The following RTN4RL1 variants were observed in gnomAD, a reference collection of about 807,000 sequenced individuals.
RTN4RL1 encodes the protein reticulon 4 receptor like 1.
A neutral mutation model predicts 25.6 loss-of-function variants in RTN4RL1; 7 were observed. That is an observed-to-expected ratio of 0.27 (90% CI 0.16 to 0.51). The LOEUF (loss-of-function observed/expected upper bound fraction) is 0.51. Among genes scored for constraint, RTN4RL1 ranks in the 20% least tolerant of loss-of-function variants. The pLI, the probability that RTN4RL1 is intolerant of heterozygous loss-of-function variation, is 0.97. For missense variants in RTN4RL1, 500 were observed against 615.6 expected (o/e 0.81, Z 1.99); for synonymous variants, 297 against 288.2 (o/e 1.03, Z -0.31).
intron 1 of RTN4RL1, among the ~76,000 whole-genome samples, chr17:1,982,687 T>A (rs1423636611): frequency 2.0e-5 from 3 of 152,140 alleles, no homozygotes; most frequent in Admixed American, 6.5e-5. Flanking sequence ...CACCGGGCCC[T>A]CGACGCCGTG....
At chr17:2,016,246 T>C (rs111675756) in intron 1 of RTN4RL1, among the ~76,000 whole-genome samples, 6,726 of 152,202 alleles carry the variant, frequency 0.044, 516 homozygotes, top group African/African-American at 0.15. Context: ...CCAGTTGTGG[T>C]GGCAGGTGCC....
In RTN4RL1 at chr17:1,998,627, T is replaced by G. The variant is rs926013275; in HGVS notation, c.13+26226A>C. Reference sequence around the variant, plus strand: ...GTGGGGGACGTGGGGCCGGCTCGCCTCCTCCTGGGCTCGCCGGGATGTGGC... The same window carrying G: ...GTGGGGGACGTGGGGCCGGCTCGCCGCCTCCTGGGCTCGCCGGGATGTGGC... On this transcript the variant is annotated intron_variant, in intron 1 of 1. Coordinates refer to ENST00000331238, the MANE Select transcript of RTN4RL1 (RefSeq NM_178568.4). This position sits in a 1 kb window ranked among gnomAD's most constrained non-coding sequence, Gnocchi z 4.9. 1.7e-4 allele frequency among the ~76,000 whole-genome samples: 25 copies of G among 151,120 alleles called. No individual in the cohort carries two copies. The East Asian group carries it at 3.6e-3, about 22-fold the overall frequency.
At chr17:1,953,785 G>A (rs1344927104) in intron 1 of RTN4RL1, among the ~76,000 whole-genome samples, 1 of 152,084 alleles carries the variant, frequency 6.6e-6, no homozygotes, top group African/African-American at 2.4e-5. Flanking sequence ...GGCTGGTCTC[G>A]AACTCCTGAC....
intron 1 of RTN4RL1, among the ~76,000 whole-genome samples, chr17:1,949,693 G>C (rs925308222): frequency 6.6e-6 from 1 of 152,194 alleles, no homozygotes; most frequent in Non-Finnish European, 1.5e-5. Context: ...GCAGCAAGAG[G>C]CTCGGCTCCT....
At chr17:1,948,979 C>T (rs150945362) in intron 1 of RTN4RL1, among the ~76,000 whole-genome samples, 6,233 of 146,132 alleles carry the variant, frequency 0.043, 252 homozygotes, top group Admixed American at 0.098. Context: ...TTTTTTGAGA[C>T]GGAGTCTCGC....
chr17:1,966,195 A>T (rs149540504), intron 1 of RTN4RL1, among the ~76,000 whole-genome samples: 65 of 152,278 alleles, frequency 4.3e-4, no homozygotes, highest in South Asian at 8.3e-4. Context: ...TGGTACAGTG[A>T]CATGTGTCCA....
Position 1,998,438 on chromosome 17 carries a change from C to G in RTN4RL1, c.13+26415G>C, listed in dbSNP as rs1424551667. Among the ~76,000 whole-genome samples, 1 of 151,998 alleles carries G rather than the reference C, an allele frequency of 6.6e-6. No homozygotes were observed. The highest frequency in any genetic ancestry group is 1.5e-5 in the Non-Finnish European group (1 of 67,962). The stretch of plus-strand genomic sequence containing the variant: ...TGGGATCCGTTCCCTCTCGCGGGAG[C>G]CGCCGGCCGGGGATCTGCGCACCCC... On this transcript the variant is annotated intron_variant, in intron 1 of 1. Coordinates refer to ENST00000331238, the MANE Select transcript of RTN4RL1 (RefSeq NM_178568.4). The surrounding 1 kb of genome is among the most constrained non-coding windows in gnomAD (Gnocchi z 4.9).
chr17:1,935,622 A>T lies in RTN4RL1; in HGVS notation c.*874T>A, dbSNP rs895104583. 2 of 982,104 alleles carry T rather than the reference A, an allele frequency of 2.0e-6. No individual in the cohort carries two copies. Among genetic ancestry groups the T allele is most frequent in the South Asian group, 4.7e-5 (1 of 21,204 alleles). 60.8% of individuals were successfully genotyped at this position (982,104 alleles called of 1,614,324 possible). A position where few individuals can be genotyped will look rare whatever the true frequency, so the allele number is the denominator to read the frequency against. The stretch of plus-strand genomic sequence containing the variant: ...GCTAGAAATCACCAATACAATCCTT[A>T]GTTCAGCAAATACAGTTTTCTGTAT... On this transcript the variant is annotated 3_prime_UTR_variant, in exon 2 of 2. Transcript: ENST00000331238.
intron 1 of RTN4RL1, among the ~76,000 whole-genome samples, chr17:1,983,485 G>C (rs953715860): frequency 6.6e-6 from 1 of 152,186 alleles, no homozygotes; most frequent in Non-Finnish European, 1.5e-5. Context: ...TGCAGCCTTC[G>C]CCTCCTAGGC....
intron 1 of RTN4RL1, among the ~76,000 whole-genome samples, chr17:2,016,366 G>T (rs1391564181): frequency 6.6e-6 from 1 of 152,082 alleles, no homozygotes; most frequent in Non-Finnish European, 1.5e-5. Context: ...GGGTGACACA[G>T]CAAGACTCCA....
At chr17:1,974,409 C>T (rs1173481470) in intron 1 of RTN4RL1, among the ~76,000 whole-genome samples, 3 of 152,174 alleles carry the variant, frequency 2.0e-5, no homozygotes, top group Non-Finnish European at 4.4e-5. Context: ...AACAAACCCT[C>T]CATTTTACAG....
At chr17:2,004,428 G>C (rs944607874) in intron 1 of RTN4RL1, among the ~76,000 whole-genome samples, 1 of 151,578 alleles carries the variant, frequency 6.6e-6, no homozygotes, top group Non-Finnish European at 1.5e-5. Flanking sequence ...TCTATTTTGC[G>C]GGCCAGGAGG....
chr17:1,999,242 TGGAGA>T (rs2066945175), intron 1 of RTN4RL1, among the ~76,000 whole-genome samples: 1 of 149,890 alleles, frequency 6.7e-6, no homozygotes, highest in Admixed American at 6.7e-5. Context: ...GATCAAGAGT[TGGAGA>T]CCATCCTGGC....
chr17:2,000,129 G>A (rs980811282), intron 1 of RTN4RL1, among the ~76,000 whole-genome samples: 1 of 152,278 alleles, frequency 6.6e-6, no homozygotes, highest in African/African-American at 2.4e-5. Context: ...TGACAGCTGT[G>A]TCAGGGAGAA....
chr17:1,991,765 A>G (rs1597230662), intron 1 of RTN4RL1, among the ~76,000 whole-genome samples: 1 of 152,174 alleles, frequency 6.6e-6, no homozygotes, highest in East Asian at 1.9e-4. Flanking sequence ...GGGTGTTGTC[A>G]TCTACCCAGT....
intron 1 of RTN4RL1, among the ~76,000 whole-genome samples, chr17:1,945,972 G>A (rs781665880): frequency 5.3e-5 from 8 of 152,146 alleles, no homozygotes; most frequent in Non-Finnish European, 1.0e-4. Context: ...TACCCAAAGC[G>A]AGGAGACTCA....
chr17:1,944,219 C>T (rs1915492892), intron 1 of RTN4RL1, among the ~76,000 whole-genome samples: 1 of 151,784 alleles, frequency 6.6e-6, no homozygotes, highest in Middle Eastern at 3.4e-3. Context: ...GGATCCTCAA[C>T]TTAACCGGTG....
intron 1 of RTN4RL1, among the ~76,000 whole-genome samples, chr17:1,938,190 G>A (rs1273688843): frequency 6.6e-6 from 1 of 152,206 alleles, no homozygotes; most frequent in East Asian, 1.9e-4. Context: ...TAGCTGTGCC[G>A]CTGGTTGTTG....
rs532887777 is a variant in RTN4RL1 at position 2,011,688 on chromosome 17, A to G, written c.13+13165T>C. On this transcript the variant is annotated intron_variant, in intron 1 of 1. Coordinates refer to ENST00000331238, the MANE Select transcript of RTN4RL1 (RefSeq NM_178568.4). ...TCCTTGCAATAATCCCCCATTTCCAATGAGCTCCCATGAATCTCTGCAATC... is the reference window on the plus strand; with the variant it reads ...TCCTTGCAATAATCCCCCATTTCCAGTGAGCTCCCATGAATCTCTGCAATC... 1.3e-4 allele frequency among the ~76,000 whole-genome samples: 20 copies of G among 152,250 alleles called. No individual in the cohort carries two copies. In the South Asian group the frequency reaches 2.7e-3, roughly 21 times the overall value.
Sources: gnomAD v4.1 joint callset for allele counts (sites outside exome capture counted in the v4.1 genomes callset) on GRCh38, gnomAD v4.1.1 for gene constraint, Gnocchi (gnomAD v3.1) non-coding constraint, MANE v1.5 for transcripts, NCBI Gene and HGNC (gene_info 2026-07-23, HGNC 2026-07-21) for gene names.